FRMD6: variants seen among roughly 807,000 people sequenced by gnomAD.
The protein encoded by FRMD6 is FERM domain-containing protein 6.
FRMD6 carries 37 observed loss-of-function variants against 73.2 expected under a neutral mutation model. That is an observed-to-expected ratio of 0.51 (90% CI 0.39 to 0.66). The LOEUF is 0.66. FRMD6 is among the 30% of genes least tolerant of loss of function. The pLI is 0.00. For synonymous variants in FRMD6, 273 were observed against 282.2 expected (o/e 0.97, Z 0.33); for missense variants, 714 against 780.5 (o/e 0.91, Z 1.02).
At chr14:51,422,441 C>T in the FRMD6 span, among the ~76,000 whole-genome samples, 1 of 151,912 alleles carries the variant, frequency 6.6e-6, no homozygotes. Flanking sequence ...AAGTACATGA[C>T]TGATAAATAA....
rs1712454109 is a variant in FRMD6 at position 51,689,692 on chromosome 14, TATGAAACCCAC to T, written c.-144_-134del. ...GTCTCCCCTTTGGCTTTTTCACAGC[TATGAAACCCAC>T]GTAGTCGAACACCGTGATGCTTCTC... On this transcript the variant is annotated splice_region_variant and 5_prime_UTR_variant, in exon 2 of 14. An upstream start codon of the reference 5' UTR is lost. Coordinates refer to ENST00000344768, the MANE Select transcript of FRMD6 (RefSeq NM_001267046.2). 1.6e-6 allele frequency: 1 copy of T among 641,094 alleles called. No individual in the cohort carries two copies. Among genetic ancestry groups the T allele is most frequent in the African/African-American group, 1.8e-5 (1 of 54,808 alleles). 39.7% of individuals were successfully genotyped at this position (641,094 alleles called of 1,614,324 possible). A position where few individuals can be genotyped will look rare whatever the true frequency, so the allele number is the denominator to read the frequency against.
chr14:51,515,970 G>A (rs6572768), intron 1 of FRMD6, among the ~76,000 whole-genome samples: 87,344 of 151,944 alleles, frequency 0.57, 26,115 homozygotes, highest in African/African-American at 0.72. Context: ...ATGCAAAGGG[G>A]TTGAAGGCCA....
At chr14:51,717,193 G>A (rs1219817025) in intron 10 of FRMD6, 2 of 152,186 alleles carry the variant, frequency 1.3e-5, no homozygotes, top group African/African-American at 2.4e-5. Context: ...TTGTGCTGCT[G>A]TAACAAAAGA....
chr14:51,410,388 G>T, the FRMD6 span, among the ~76,000 whole-genome samples: 6 of 152,182 alleles, frequency 3.9e-5, no homozygotes, highest in African/African-American at 1.2e-4. Flanking sequence ...TACCTATGGA[G>T]AAACCATGGA....
intron 1 of FRMD6, among the ~76,000 whole-genome samples, chr14:51,560,764 G>A (rs545902547): frequency 2.0e-4 from 30 of 152,254 alleles, no homozygotes; most frequent in South Asian, 8.3e-4. Flanking sequence ...GATTACAGGC[G>A]TGAGTCACCG....
intron 2 of FRMD6, among the ~76,000 whole-genome samples, chr14:51,580,825 G>C (rs1596648932): frequency 6.6e-6 from 1 of 152,296 alleles, no homozygotes; most frequent in Non-Finnish European, 1.5e-5. Flanking sequence ...CAAATATAGG[G>C]AGAATGAGGG....
At chr14:51,514,446 T>C (rs1201521197) in intron 1 of FRMD6, among the ~76,000 whole-genome samples, 1 of 152,154 alleles carries the variant, frequency 6.6e-6, no homozygotes, top group Non-Finnish European at 1.5e-5. Context: ...TAAACCACCA[T>C]GGCACATGTA....
intron 12 of FRMD6, 73 bp downstream of exon 12, chr14:51,722,153 A>C: frequency 6.4e-7 from 1 of 1,557,482 alleles, no homozygotes; most frequent in Non-Finnish European, 8.8e-7. Context: ...GCCTCAGAAA[A>C]TAGAAGGGGT....
At chr14:51,405,246 T>C in the FRMD6 span, among the ~76,000 whole-genome samples, 1 of 152,186 alleles carries the variant, frequency 6.6e-6, no homozygotes, top group Non-Finnish European at 1.5e-5. Context: ...CTTGTGCGCA[T>C]GTGTCTTTAT....
the FRMD6 span, among the ~76,000 whole-genome samples, chr14:51,450,218 C>T: frequency 2.6e-5 from 4 of 152,166 alleles, no homozygotes; most frequent in Non-Finnish European, 5.9e-5. Context: ...GATAATATCA[C>T]TACCATCTTC....
intron 2 of FRMD6, among the ~76,000 whole-genome samples, chr14:51,609,467 T>G (rs1228660010): frequency 6.6e-6 from 1 of 152,024 alleles, no homozygotes; most frequent in East Asian, 1.9e-4. Context: ...GGGAGAACAC[T>G]AGGAAGGAGG....
chr14:51,614,181 A>G (rs540022408), intron 2 of FRMD6, among the ~76,000 whole-genome samples: 1 of 151,094 alleles, frequency 6.6e-6, no homozygotes, highest in Non-Finnish European at 1.5e-5. Context: ...TTGGTTAAGA[A>G]CTCTTTTTTT....
At chr14:51,566,539 G>C (rs1887784390) in intron 1 of FRMD6, among the ~76,000 whole-genome samples, 1 of 152,090 alleles carries the variant, frequency 6.6e-6, no homozygotes, top group African/African-American at 2.4e-5. Flanking sequence ...ATTTTCCCAC[G>C]TAATATTTGT....
At chr14:51,458,063 A>G in the FRMD6 span, among the ~76,000 whole-genome samples, 3 of 152,192 alleles carry the variant, frequency 2.0e-5, no homozygotes, top group African/African-American at 7.2e-5. Context: ...AAAGGAGGTA[A>G]AAAGCAGACT....
intron 2 of FRMD6, among the ~76,000 whole-genome samples, chr14:51,594,848 C>G (rs1166432185): frequency 1.3e-5 from 2 of 152,214 alleles, no homozygotes; most frequent in Non-Finnish European, 2.9e-5. Flanking sequence ...GGAAGAGTCC[C>G]TGTTATTTAC....
intron 1 of FRMD6, among the ~76,000 whole-genome samples, chr14:51,491,958 C>T (rs1883029752): frequency 6.6e-6 from 1 of 152,188 alleles, no homozygotes; most frequent in African/African-American, 2.4e-5. Flanking sequence ...AGTGTCCTGT[C>T]GTGCCTCCCT....
intron 11 of FRMD6, among the ~76,000 whole-genome samples, chr14:51,720,914 A>G (rs2140631580): frequency 6.6e-6 from 1 of 152,362 alleles, no homozygotes; most frequent in East Asian, 1.9e-4. Context: ...TGTTAAGGAG[A>G]TAAGATGAAT....
chr14:51,711,985 C>G (rs949054346), intron 8 of FRMD6, among the ~76,000 whole-genome samples: 1 of 152,098 alleles, frequency 6.6e-6, no homozygotes, highest in African/African-American at 2.4e-5. Flanking sequence ...TGTGCCTGAC[C>G]AGACGTTTTA....
rs1898095324 is a variant in FRMD6, at chr14:51,728,280, T to C, written c.*251T>C. 1 of 438,270 alleles carries C rather than the reference T, an allele frequency of 2.3e-6. No individual in the cohort carries two copies. Among genetic ancestry groups the C allele is most frequent in the South Asian group, 4.3e-5 (1 of 23,488 alleles). The allele number at this position is 438,270 out of a possible 1,614,324, so 27.1% of individuals were successfully genotyped here. On this transcript the variant is annotated 3_prime_UTR_variant, in exon 14 of 14. Transcript: ENST00000344768. ...AGTTCACTGATCCTTCAGAAGGAAA[T>C]GCGCTTTACTGATTGCAAAGCCTTC...
Sources: gnomAD v4.1 joint callset for allele counts (sites outside exome capture counted in the v4.1 genomes callset) on GRCh38, gnomAD v4.1.1 for gene constraint, MANE v1.5 for transcripts, NCBI Gene and HGNC (gene_info 2026-07-23, HGNC 2026-07-21) for gene names.